The following PCDHGA2 variants were observed in gnomAD, a reference collection of about 807,000 sequenced individuals.
PCDHGA2 encodes protocadherin gamma-A2.
Under a neutral mutation model 59.2 loss-of-function variants are expected in PCDHGA2, and 40 were observed. The ratio of observed to expected loss-of-function variants is 0.68; its 90% confidence interval spans 0.52 to 0.88. The LOEUF (loss-of-function observed/expected upper bound fraction) is 0.88, where lower values mean the gene tolerates loss of function less well. Among genes scored for constraint, PCDHGA2 ranks in the 40% least tolerant of loss-of-function variants. The probability of loss-of-function intolerance (pLI) is 0.00; values close to 1 mark genes in which losing one functional copy is unlikely to be tolerated. For synonymous variants in PCDHGA2, 560 were observed against 526.0 expected, an observed-to-expected ratio of 1.06 and a Z score of -0.89; for missense variants, 1,226 against 1,204.0, an observed-to-expected ratio of 1.02 and a Z score of -0.27.
chr5:141,382,871 G>T (rs764156663), intron 1 of PCDHGA2: 3 of 1,520,506 alleles, frequency 2.0e-6, no homozygotes, highest in East Asian at 2.3e-5. Flanking sequence ...TCCCGAGATC[G>T]GCGCCTAAGC....
Position 141,491,722 on chromosome 5 carries a change from C to G in PCDHGA2, c.2425-3085C>G, listed in dbSNP as rs1276921909. ...CCAGGTGAGGGGCTCGGCGCCGCCC[C>G]GGGCGACCCCTGGGGGCGGCACTGG... On this transcript the variant is annotated intron_variant, in intron 1 of 3. Transcript: ENST00000394576. This position sits in a 1 kb window ranked among gnomAD's most constrained non-coding sequence, Gnocchi z 6.9. 2 of 1,607,004 alleles carry G rather than the reference C, an allele frequency of 1.2e-6. No homozygotes were observed. The highest frequency in any genetic ancestry group is 1.7e-5 in the Admixed American group (1 of 58,788).
intron 1 of PCDHGA2, among the ~76,000 whole-genome samples, chr5:141,369,500 C>G (rs1329582945): frequency 2.0e-5 from 3 of 151,738 alleles, no homozygotes; most frequent in Non-Finnish European, 4.4e-5. Context: ...AACCCCACCT[C>G]TATAGAAAAA....
intron 1 of PCDHGA2, chr5:141,413,424 G>T: frequency 6.2e-7 from 1 of 1,614,086 alleles, no homozygotes; most frequent in Non-Finnish European, 8.5e-7. Flanking sequence ...CTCTGAACCC[G>T]CGCAGCGGCA....
chr5:141,390,196 T>C (rs1416526939), intron 1 of PCDHGA2: 2 of 1,613,930 alleles, frequency 1.2e-6, no homozygotes, highest in African/African-American at 2.7e-5. Context: ...AGTGAGCAGT[T>C]GAGTTCAGGA....
chr5:141,454,493 A>G (rs1328573277), intron 1 of PCDHGA2, among the ~76,000 whole-genome samples: 1 of 151,866 alleles, frequency 6.6e-6, no homozygotes, highest in Non-Finnish European at 1.5e-5. Context: ...CGCAACCTCC[A>G]CCTCCTGGAT....
At chr5:141,415,288 T>C in intron 1 of PCDHGA2, 6 of 1,614,202 alleles carry the variant, frequency 3.7e-6, no homozygotes, top group Non-Finnish European at 5.1e-6. Flanking sequence ...GGCCGCGGTC[T>C]CCTGCGTCTT....
chr5:141,419,494 T>A, intron 1 of PCDHGA2: 1 of 1,612,380 alleles, frequency 6.2e-7, no homozygotes, highest in Non-Finnish European at 8.5e-7. Context: ...TCAGCGCCAA[T>A]GTGAGCCTGC....
chr5:141,482,546 A>G (rs1489817593), intron 1 of PCDHGA2, among the ~76,000 whole-genome samples: 1 of 151,868 alleles, frequency 6.6e-6, no homozygotes, highest in Non-Finnish European at 1.5e-5. Context: ...AAAAAAAAAA[A>G]AAAGATAATG....
chr5:141,419,386 G>A (rs2096372901), intron 1 of PCDHGA2: 1 of 1,613,650 alleles, frequency 6.2e-7, no homozygotes, highest in Non-Finnish European at 8.5e-7. Context: ...CCGTGAGCGC[G>A]CAGAGCGGGG....
At chr5:141,438,303 T>G (rs2097949191) in intron 1 of PCDHGA2, among the ~76,000 whole-genome samples, 1 of 152,068 alleles carries the variant, frequency 6.6e-6, no homozygotes, top group African/African-American at 2.4e-5. Flanking sequence ...TAAAAGAAGT[T>G]GGTACCACCA....
At chr5:141,430,936 C>T (rs2097327732) in intron 1 of PCDHGA2, 4 of 1,606,984 alleles carry the variant, frequency 2.5e-6, no homozygotes, top group Admixed American at 3.4e-5. Flanking sequence ...CCCGGGAGCT[C>T]GCGGAGCGCG....
rs994009107 is a variant in PCDHGA2 at position 141,490,364 on chromosome 5, G to A, written c.2425-4443G>A. ...ACAGTAGTGGGGTTGTTTAATGTGC[G>A]AGACCGGGACTCAGGTAGAAATGGT... On this transcript the variant is annotated intron_variant, in intron 1 of 3. Transcript: ENST00000394576. The surrounding 1 kb of genome is among the most constrained non-coding windows in gnomAD (Gnocchi z 5.4). 7 of 1,614,056 alleles carry A rather than the reference G, an allele frequency of 4.3e-6. No individual in the cohort carries two copies. In the African/African-American group the frequency reaches 5.3e-5, roughly 12 times the overall value.
chr5:141,389,430 C>T (rs2091763189), intron 1 of PCDHGA2: 1 of 1,610,546 alleles, frequency 6.2e-7, no homozygotes, highest in Non-Finnish European at 8.5e-7. Context: ...GTTCGCGCAG[C>T]GCGCCTTCGA....
intron 1 of PCDHGA2, among the ~76,000 whole-genome samples, chr5:141,363,900 A>G (rs1443403016): frequency 6.6e-6 from 1 of 152,258 alleles, no homozygotes; most frequent in Non-Finnish European, 1.5e-5. Flanking sequence ...CCGATGACGC[A>G]TTAAATAAAA....
chr5:141,376,452 C>T (rs1186920662), intron 1 of PCDHGA2: 2 of 1,614,094 alleles, frequency 1.2e-6, no homozygotes, highest in Non-Finnish European at 1.7e-6. Flanking sequence ...AAAAGCGAGC[C>T]TCTTCTGATA....
intron 1 of PCDHGA2, chr5:141,430,643 T>C (rs1432236231): frequency 2.1e-6 from 2 of 947,068 alleles, no homozygotes; most frequent in Non-Finnish European, 3.0e-6. Context: ...CCTGGGAGTA[T>C]GTGGAAACAA....
chr5:141,371,516 A>C, intron 1 of PCDHGA2: 5 of 1,613,882 alleles, frequency 3.1e-6, no homozygotes, highest in Non-Finnish European at 4.2e-6. Context: ...CACATGATCT[A>C]GATTCTGGAT....
At position 141,351,596 on chromosome 5, in the gene PCDHGA2, C is replaced by T. The variant is rs773771390; in HGVS notation, c.2424+10201C>T. 6.2e-7 allele frequency: 1 copy of T among 1,614,088 alleles called. No homozygotes were observed. The highest frequency in any genetic ancestry group is 1.1e-5 in the South Asian group (1 of 91,088). On this transcript the variant is annotated intron_variant, in intron 1 of 3. Transcript: ENST00000394576. Reference sequence around the variant, plus strand: ...CATCTCCGACATCAACGACAATGCACCTGTTTTCCATCAGGCCTCCTATGT... The same window carrying T: ...CATCTCCGACATCAACGACAATGCATCTGTTTTCCATCAGGCCTCCTATGT...
At chr5:141,365,727 C>A (rs2149880807) in intron 1 of PCDHGA2, 1 of 1,613,786 alleles carries the variant, frequency 6.2e-7, no homozygotes, top group Non-Finnish European at 8.5e-7. Flanking sequence ...GAAAACAATC[C>A]CAGAGGTGTC....
Sources: allele counts gnomAD v4.1 joint callset (sites outside exome capture counted in the v4.1 genomes callset), GRCh38; gene constraint gnomAD v4.1.1; non-coding constraint Gnocchi (gnomAD v3.1); transcripts MANE v1.5; gene names NCBI Gene and HGNC (gene_info 2026-07-23, HGNC 2026-07-21).